The following HPSE2 variants were observed in gnomAD, a reference collection of about 807,000 sequenced individuals.
HPSE2 encodes the protein heparanase 2 (inactive).
A neutral mutation model predicts 60.5 loss-of-function variants in HPSE2; 38 were observed. The ratio of observed to expected loss-of-function variants is 0.63; its 90% CI spans 0.48 to 0.82. HPSE2 has a LOEUF of 0.82. Among genes scored for constraint, HPSE2 ranks in the 40% least tolerant of loss-of-function variants. The probability of loss-of-function intolerance (pLI) is 0.00; values close to 1 mark genes in which losing one functional copy is unlikely to be tolerated. For missense variants in HPSE2, 713 were observed against 740.4 expected (o/e 0.96, Z 0.43); for synonymous variants, 295 against 293.2 (o/e 1.01, Z -0.06).
Position 98,918,009 on chromosome 10 carries a change from C to A in HPSE2, c.611-173953G>T, listed in dbSNP as rs551506741. Among the ~76,000 whole-genome samples the A allele has an allele frequency of 2.0e-5, 3 of 152,316 alleles. No homozygotes were observed. The South Asian group carries it at 6.2e-4, about 32-fold the overall frequency. On this transcript the variant is annotated intron_variant, in intron 3 of 11. Coordinates refer to ENST00000370552, the MANE Select transcript of HPSE2 (RefSeq NM_021828.5). ...TGCAAGATAACTCAGGCCGTCAACT[C>A]TTGCCTCTTGCGTCATCACATTTCT...
chr10:99,003,000 C>A (rs1445411874), intron 3 of HPSE2, among the ~76,000 whole-genome samples: 1 of 151,992 alleles, frequency 6.6e-6, no homozygotes, highest in Non-Finnish European at 1.5e-5. Context: ...ATTTTGTATT[C>A]TTTGACCAAC....
At chr10:99,054,382 A>T (rs1958062052) in intron 3 of HPSE2, among the ~76,000 whole-genome samples, 1 of 152,168 alleles carries the variant, frequency 6.6e-6, no homozygotes, top group African/African-American at 2.4e-5. Flanking sequence ...CATTCAGTTG[A>T]GACATCAAAA....
intron 5 of HPSE2, among the ~76,000 whole-genome samples, chr10:98,697,820 C>T (rs957047120): frequency 3.3e-5 from 5 of 152,164 alleles, no homozygotes; most frequent in Admixed American, 2.6e-4. Context: ...TCAGCAGAAA[C>T]CCTGCAAGCC....
At chr10:99,050,085 G>A (rs558085872) in intron 3 of HPSE2, among the ~76,000 whole-genome samples, 1 of 152,286 alleles carries the variant, frequency 6.6e-6, no homozygotes, top group Non-Finnish European at 1.5e-5. Flanking sequence ...GATTGCTTCA[G>A]GCCAGAAATT....
chr10:98,805,707 G>T (rs963129208), intron 3 of HPSE2, among the ~76,000 whole-genome samples: 3 of 151,966 alleles, frequency 2.0e-5, no homozygotes, highest in Admixed American at 2.0e-4. Context: ...TAGATATTTA[G>T]GTAAATAAAT....
intron 2 of HPSE2, among the ~76,000 whole-genome samples, chr10:99,212,642 A>C (rs1212244143): frequency 8.5e-5 from 13 of 152,112 alleles, no homozygotes; most frequent in Admixed American, 8.5e-4. Context: ...TGTGGGGCAG[A>C]GGGTTGGTTT....
chr10:98,999,940 T>C (rs10509727), intron 3 of HPSE2, among the ~76,000 whole-genome samples: 2,949 of 152,204 alleles, frequency 0.019, 110 homozygotes, highest in East Asian at 0.15. Context: ...TGCAGTATGA[T>C]AGATGAATTA....
intron 9 of HPSE2, among the ~76,000 whole-genome samples, chr10:98,569,701 A>C (rs529571867): frequency 2.6e-3 from 390 of 152,226 alleles, no homozygotes; most frequent in Non-Finnish European, 4.9e-3. Context: ...AGTTATTCCT[A>C]TCTGTTTTGC....
At chr10:99,052,643 A>G (rs143211112) in intron 3 of HPSE2, among the ~76,000 whole-genome samples, 96 of 152,274 alleles carry the variant, frequency 6.3e-4, no homozygotes, top group African/African-American at 2.3e-3. Flanking sequence ...ACCAAAGGTA[A>G]TAAGAAAATC....
intron 9 of HPSE2, among the ~76,000 whole-genome samples, chr10:98,590,437 T>C (rs1945058607): frequency 6.6e-6 from 1 of 152,234 alleles, no homozygotes; most frequent in Admixed American, 6.5e-5. Flanking sequence ...TCTCTGGTTA[T>C]GCTTCTAGGG....
chr10:99,064,483 A>T (rs1842548743), intron 3 of HPSE2, among the ~76,000 whole-genome samples: 1 of 152,114 alleles, frequency 6.6e-6, no homozygotes, highest in South Asian at 2.1e-4. Flanking sequence ...GACTTGGCGC[A>T]GTTGCTTTCC....
intron 3 of HPSE2, among the ~76,000 whole-genome samples, chr10:98,753,818 T>G (rs985639203): frequency 1.3e-5 from 2 of 152,088 alleles, no homozygotes; most frequent in Non-Finnish European, 2.9e-5. Context: ...AGTCAAACCT[T>G]CAAGGGCATC....
At chr10:98,777,876 TG>T (rs1402787560) in intron 3 of HPSE2, among the ~76,000 whole-genome samples, 1 of 152,126 alleles carries the variant, frequency 6.6e-6, no homozygotes, top group East Asian at 1.9e-4. Context: ...GATTTCTTGA[TG>T]GTAGTTTAAA....
At chr10:99,115,455 AT>A (rs997027759) in intron 3 of HPSE2, among the ~76,000 whole-genome samples, 101 of 145,428 alleles carry the variant, frequency 6.9e-4, no homozygotes, top group Admixed American at 8.3e-4. Context: ...CGCTTGGCCA[AT>A]TTTTTTTTTT....
At chr10:98,545,656 A>C (rs1325267967) in intron 9 of HPSE2, among the ~76,000 whole-genome samples, 1 of 152,194 alleles carries the variant, frequency 6.6e-6, no homozygotes, top group East Asian at 1.9e-4. Flanking sequence ...GACGTATCTC[A>C]AAAAATAAGA....
chr10:98,898,244 T>A (rs185930097), intron 3 of HPSE2, among the ~76,000 whole-genome samples: 1 of 152,178 alleles, frequency 6.6e-6, no homozygotes, highest in Non-Finnish European at 1.5e-5. Flanking sequence ...CCCAACTGAT[T>A]TGAATGTTTC....
chr10:98,834,093 C>T (rs1168121941), intron 3 of HPSE2, among the ~76,000 whole-genome samples: 1 of 152,048 alleles, frequency 6.6e-6, no homozygotes, highest in Non-Finnish European at 1.5e-5. Context: ...AACAATAACA[C>T]CCAACTGATT....
intron 3 of HPSE2, among the ~76,000 whole-genome samples, chr10:99,050,213 G>T (rs1454390760): frequency 6.6e-6 from 1 of 151,880 alleles, no homozygotes; most frequent in Non-Finnish European, 1.5e-5. Flanking sequence ...GAAGTGAGAG[G>T]ATCACCTGAG....
At chr10:99,286,263 T>C in the HPSE2 span, among the ~76,000 whole-genome samples, 1 of 152,188 alleles carries the variant, frequency 6.6e-6, no homozygotes, top group Non-Finnish European at 1.5e-5. Context: ...CAAATACTTC[T>C]ACATGAATGC....
Sources: gnomAD v4.1 joint callset for allele counts (sites outside exome capture counted in the v4.1 genomes callset) on GRCh38, gnomAD v4.1.1 for gene constraint, MANE v1.5 for transcripts, NCBI Gene and HGNC (gene_info 2026-07-23, HGNC 2026-07-21) for gene names.